AGBL3: variants seen among roughly 807,000 people sequenced by gnomAD.
AGBL3 encodes the protein cytosolic carboxypeptidase 3.
Under a neutral mutation model 94.5 loss-of-function variants are expected in AGBL3, and 68 were observed. The ratio of observed to expected loss-of-function variants is 0.72; its 90% confidence interval spans 0.59 to 0.88. The LOEUF (loss-of-function observed/expected upper bound fraction) is 0.88. Ranked by LOEUF, AGBL3 falls within the 40% of genes least tolerant of loss-of-function variation. The pLI is 0.00. For synonymous variants in AGBL3, 354 were observed against 370.7 expected, an observed-to-expected ratio of 0.95 and a Z score of 0.52; for missense variants, 934 against 1,103.8, an observed-to-expected ratio of 0.85 and a Z score of 2.18.
chr7:135,112,381 C>G (rs974940154), intron 15 of AGBL3, among the ~76,000 whole-genome samples: 1 of 152,200 alleles, frequency 6.6e-6, no homozygotes, highest in African/African-American at 2.4e-5. Context: ...TTATTCCCAT[C>G]TCAGAGGATC....
intron 16 of AGBL3, among the ~76,000 whole-genome samples, chr7:135,116,110 A>G (rs1826276519): frequency 6.6e-6 from 1 of 152,216 alleles, no homozygotes; most frequent in Admixed American, 6.5e-5. Context: ...AATAATAAAT[A>G]CAATACTAAT....
At chr7:135,132,359 TA>T (rs1395832467) in intron 16 of AGBL3, among the ~76,000 whole-genome samples, 4 of 152,226 alleles carry the variant, frequency 2.6e-5, no homozygotes, top group Admixed American at 6.5e-5. Flanking sequence ...GTTAGTTTAA[TA>T]TTCAAAAAGT....
chr7:135,104,705 CT>C (rs1327471342), intron 15 of AGBL3, among the ~76,000 whole-genome samples: 1 of 150,276 alleles, frequency 6.7e-6, no homozygotes, highest in African/African-American at 2.4e-5. Flanking sequence ...TTTCATATGC[CT>C]TTTGGCCACA....
In AGBL3 at chr7:135,059,372, T is replaced by C. The variant is rs1013844343; in HGVS notation, c.1908+137T>C. ...TTATTTTCTAACTATGTAGATATTT[T>C]AAATCATAGAATTATTTAACTTTAG... On this transcript the variant is annotated intron_variant, in intron 12 of 16. Transcript: ENST00000436302. 21 of 521,098 alleles carry C rather than the reference T, an allele frequency of 4.0e-5. No homozygotes were observed. In the Admixed American group the frequency reaches 7.2e-4, roughly 18 times the overall value. The allele number at this position is 521,098 out of a possible 1,614,324, so 32.3% of individuals were successfully genotyped here. A position where few individuals can be genotyped will look rare whatever the true frequency, so the allele number is the denominator to read the frequency against.
In AGBL3 at chr7:134,999,388, G is replaced by A. The variant is rs183833402; in HGVS notation, c.310+5710G>A. On this transcript the variant is annotated intron_variant, in intron 4 of 16. Transcript: ENST00000436302. The stretch of plus-strand genomic sequence containing the variant: ...AGGAAATCTGCCCATAGCCACCTGC[G>A]GTCTCCGTCTCTCTTGAAGCATTTA... 4.6e-4 allele frequency among the ~76,000 whole-genome samples: 70 copies of A among 152,244 alleles called. No homozygotes were observed. In the Middle Eastern group the frequency reaches 0.027, roughly 59 times the overall value.
At chr7:135,067,074 A>C (rs1281170280) in intron 12 of AGBL3, among the ~76,000 whole-genome samples, 1 of 152,228 alleles carries the variant, frequency 6.6e-6, no homozygotes, top group African/African-American at 2.4e-5. Context: ...AGCAAACAGC[A>C]CACCAGGAGA....
At chr7:135,015,311 A>G (rs1258881939) in intron 4 of AGBL3, among the ~76,000 whole-genome samples, 1 of 152,318 alleles carries the variant, frequency 6.6e-6, no homozygotes, top group East Asian at 1.9e-4. Context: ...CAGTAGACGT[A>G]TATTACATTA....
Position 135,115,344 on chromosome 7 carries a change from C to T in AGBL3, c.2111-36C>T, listed in dbSNP as rs1355776265. 11 of 1,335,756 alleles carry T rather than the reference C, an allele frequency of 8.2e-6. No individual in the cohort carries two copies. In the East Asian group the frequency reaches 2.3e-4, roughly 28 times the overall value. 82.7% of individuals were successfully genotyped at this position (1,335,756 alleles called of 1,614,324 possible). ...CCAATAAGTAATTGTGAATAGAGTT[C>T]ATATCTCTGTACATATTTTTGTGGT... On this transcript the variant is annotated intron_variant, in intron 15 of 16. Coordinates refer to ENST00000436302, the MANE Select transcript of AGBL3 (RefSeq NM_178563.4).
chr7:135,034,725 A>G lies in AGBL3; in HGVS notation c.1134A>G (p.Leu378=). The change falls in exon 7 of 17, where the codon CTA becomes CTG. Residue 378 remains leucine, a synonymous_variant. Coordinates refer to ENST00000436302, the MANE Select transcript of AGBL3 (RefSeq NM_178563.4). The part of the protein sequence containing the change: ...TNSSWIMKGF[L]DYILGNSSDA... Reference sequence around the variant, plus strand: ...GCTCTTGGATCATGAAAGGCTTCCTAGATTATATTTTAGGAAACTCAAGTG... The same window carrying G: ...GCTCTTGGATCATGAAAGGCTTCCTGGATTATATTTTAGGAAACTCAAGTG... 6.4e-7 allele frequency: 1 copy of G among 1,550,976 alleles called. No homozygotes were observed. Among genetic ancestry groups the G allele is most frequent in the Non-Finnish European group, 8.7e-7 (1 of 1,146,688 alleles).
chr7:134,997,608 G>C (rs1013162997), intron 4 of AGBL3, among the ~76,000 whole-genome samples: 1 of 152,100 alleles, frequency 6.6e-6, no homozygotes, highest in African/African-American at 2.4e-5. Flanking sequence ...GATACTGTGT[G>C]TCCAAGGCCT....
In AGBL3 at chr7:135,045,489, C is replaced by T; in HGVS notation, c.1643C>T (p.Thr548Ile). 1 of 1,551,116 alleles carries T rather than the reference C, an allele frequency of 6.4e-7. No homozygotes were observed. The highest frequency in any genetic ancestry group is 8.7e-7 in the Non-Finnish European group (1 of 1,146,536). Reference protein sequence around the residue: ...CGSTLGNKRGTHFSTKDLESM... With the variant: ...CGSTLGNKRGIHFSTKDLESM... ...GATGTTTTAGGTAACAAACGAGGCACTCATTTCAGCACGAAAGACCTGGAA... is the reference window on the plus strand; with the variant it reads ...GATGTTTTAGGTAACAAACGAGGCATTCATTTCAGCACGAAAGACCTGGAA... Residue 548 changes from threonine (T) to isoleucine (I), a missense_variant, in exon 10 of 17, where the codon ACT (threonine) becomes ATT (isoleucine). Transcript: ENST00000436302.
chr7:134,998,978 C>T (rs1811360915), intron 4 of AGBL3, among the ~76,000 whole-genome samples: 1 of 152,128 alleles, frequency 6.6e-6, no homozygotes, highest in Non-Finnish European at 1.5e-5. Context: ...TGTGCATACA[C>T]ATGAAGGTAT....
intron 15 of AGBL3, among the ~76,000 whole-genome samples, chr7:135,096,175 C>G (rs1334690984): frequency 6.6e-6 from 1 of 151,842 alleles, no homozygotes; most frequent in East Asian, 1.9e-4. Context: ...TAATCTTTGA[C>G]TTTACCTGTG....
chr7:135,122,777 A>C (rs771822603), intron 16 of AGBL3, among the ~76,000 whole-genome samples: 1 of 152,204 alleles, frequency 6.6e-6, no homozygotes, highest in South Asian at 2.1e-4. Context: ...AACCCCAGCA[A>C]ACAGCAGCAG....
At chr7:134,989,156 A>T in intron 2 of AGBL3, 94 bp from the exon 3 acceptor site, 1 of 797,972 alleles carries the variant, frequency 1.3e-6, no homozygotes, top group Non-Finnish European at 2.0e-6. Context: ...AAAGACATAT[A>T]CTCAATCCCA....
intron 12 of AGBL3, among the ~76,000 whole-genome samples, chr7:135,076,173 T>C (rs1820429243): frequency 6.6e-6 from 1 of 152,188 alleles, no homozygotes; most frequent in Admixed American, 6.5e-5. Flanking sequence ...GAACTCATCA[T>C]CATGCCACTC....
chr7:135,093,701 G>A (rs73153761), intron 15 of AGBL3: 39,370 of 152,030 alleles, frequency 0.26, 6,320 homozygotes, highest in South Asian at 0.43. Flanking sequence ...GATAGATTCA[G>A]TGCAATCCCT....
At chr7:134,989,393 T>C in intron 3 of AGBL3, 83 bp downstream of exon 3, 1 of 919,106 alleles carries the variant, frequency 1.1e-6, no homozygotes, top group East Asian at 2.8e-5. Flanking sequence ...AAAAGTCAGA[T>C]TGAATAATAT....
At chr7:134,990,526 G>T (rs887804868) in intron 3 of AGBL3, among the ~76,000 whole-genome samples, 5 of 152,086 alleles carry the variant, frequency 3.3e-5, no homozygotes, top group Non-Finnish European at 5.9e-5. Context: ...TTTTCAGTTT[G>T]GGGCTGTAAC....
Sources: gnomAD v4.1 joint callset for allele counts (sites outside exome capture counted in the v4.1 genomes callset) on GRCh38, gnomAD v4.1.1 for gene constraint, MANE v1.5 for transcripts, NCBI Gene and HGNC (gene_info 2026-07-23, HGNC 2026-07-21) for gene names.